The following MARF1 variants were observed in gnomAD, a reference collection of about 807,000 sequenced individuals.
MARF1 encodes meiosis regulator and mRNA stability factor 1, also known as limkain-b1.
Under a neutral mutation model 168.2 loss-of-function variants are expected in MARF1, and 24 were observed. The observed-to-expected ratio is 0.14, with a 90% CI of 0.10 to 0.20. The LOEUF (loss-of-function observed/expected upper bound fraction) is 0.20. Among genes scored for constraint, MARF1 ranks in the 10% least tolerant of loss-of-function variants. The probability of loss-of-function intolerance (pLI) is 1.00; values close to 1 mark genes in which losing one functional copy is unlikely to be tolerated. For synonymous variants in MARF1, 868 were observed against 822.4 expected (o/e 1.06, Z -0.95); for missense variants, 1,744 against 2,143.6 (o/e 0.81, Z 3.68).
rs1318509872 is a variant in MARF1 at position 15,594,659 on chromosome 16, C to G, written c.*2034G>C. ...TTAATGCTCAAACATCATTTTACCA[C>G]ATCATTTAATTAAGCCTCTGGATAA... On this transcript the variant is annotated 3_prime_UTR_variant, in exon 27 of 27. Transcript: ENST00000396368. The G allele has an allele frequency of 6.6e-6, 1 of 152,578 alleles. No individual in the cohort carries two copies. Among genetic ancestry groups the G allele is most frequent in the Non-Finnish European group, 1.5e-5 (1 of 68,040 alleles). The allele number at this position is 152,578 out of a possible 1,614,324, so 9.5% of individuals were successfully genotyped here.
chr16:15,629,184 C>A (rs982212442), intron 7 of MARF1, among the ~76,000 whole-genome samples: 6 of 151,928 alleles, frequency 3.9e-5, no homozygotes, highest in Admixed American at 3.3e-4. Context: ...GACCGTCAAA[C>A]AGAAGCAGAA....
chr16:15,608,715 A>G (rs2033247520), intron 20 of MARF1, 197 bp from the exon 21 acceptor site: 2 of 571,212 alleles, frequency 3.5e-6, no homozygotes, highest in East Asian at 5.5e-5. Flanking sequence ...ACTACTGGAC[A>G]GGAGATATAA....
rs192801801 is a variant in MARF1, at chr16:15,595,934, C to A, written c.*759G>T. 53 of 152,508 alleles carry A rather than the reference C, an allele frequency of 3.5e-4. No homozygotes were observed. The highest frequency in any genetic ancestry group is 1.2e-3 in the African/African-American group (51 of 41,552). The allele number at this position is 152,508 out of a possible 1,614,324, so 9.4% of individuals were successfully genotyped here. On this transcript the variant is annotated 3_prime_UTR_variant, in exon 27 of 27. Transcript: ENST00000396368. ...TGACTTTAAATCCATGACATCGAGACCATCTCCTTTTCCTTAACCTAACCC... is the reference window on the plus strand; with the variant it reads ...TGACTTTAAATCCATGACATCGAGAACATCTCCTTTTCCTTAACCTAACCC...
Position 15,600,663 on chromosome 16 carries a change from T to C in MARF1, c.4665A>G (p.Val1555=). ...TACTTTTCATGTCATTTTTTAACACTACAATTCTCTTATGACCATGTCCTT... is the reference window on the plus strand; with the variant it reads ...TACTTTTCATGTCATTTTTTAACACCACAATTCTCTTATGACCATGTCCTT... ...WIKGHGHKRI[V]VLKNDMKSRL... The change falls in exon 24 of 27, where the codon GTA becomes GTG. Residue 1555 remains valine (V), a synonymous_variant. Coordinates refer to ENST00000396368, the MANE Select transcript of MARF1 (RefSeq NM_014647.4). 1 of 1,613,884 alleles carries C rather than the reference T, an allele frequency of 6.2e-7. No individual in the cohort carries two copies. Among genetic ancestry groups the C allele is most frequent in the Non-Finnish European group, 8.5e-7 (1 of 1,180,030 alleles).
rs755785684 is a variant in MARF1, at chr16:15,602,152, A to G, written c.4465T>C (p.Leu1489=). 1.9e-6 allele frequency: 3 copies of G among 1,614,238 alleles called. No homozygotes were observed. In the Admixed American group the frequency reaches 5.0e-5, roughly 27 times the overall value. The change falls in exon 23 of 27, where the codon TTG becomes CTG. Residue 1489 remains leucine, a synonymous_variant. Coordinates refer to ENST00000396368, the MANE Select transcript of MARF1 (RefSeq NM_014647.4). ...EECVKLTSLY[L]FAKNVRSLLH... is the part of the protein sequence containing the mutation. ...AAAGACCGCACATTCTTTGCAAACA[A>G]ATACAGACTTGTGAGCTTCACACAT...
chr16:15,616,350 C>T (rs1190698824), intron 15 of MARF1, among the ~76,000 whole-genome samples: 2 of 152,140 alleles, frequency 1.3e-5, no homozygotes, highest in Non-Finnish European at 2.9e-5. Flanking sequence ...TGTTGTGGCT[C>T]ATGGAGTGAT....
chr16:15,624,668 G>T, intron 10 of MARF1, 101 bp downstream of exon 10: 7 of 1,114,772 alleles, frequency 6.3e-6, no homozygotes, highest in Non-Finnish European at 9.1e-6. Context: ...GACTTACTTT[G>T]TGCATTTCAG....
In MARF1 at chr16:15,608,824, C is replaced by G. The variant is rs1345148907; in HGVS notation, c.3955-306G>C. The G allele has an allele frequency of 1.0e-5, 4 of 392,412 alleles. No individual in the cohort carries two copies. In the South Asian group the frequency reaches 1.3e-4, roughly 13 times the overall value. The allele number at this position is 392,412 out of a possible 1,614,324, so 24.3% of individuals were successfully genotyped here. On this transcript the variant is annotated intron_variant, in intron 20 of 26. Coordinates refer to ENST00000396368, the MANE Select transcript of MARF1 (RefSeq NM_014647.4). ...TAGTAAAAAAAGAAAATAAAATCAA[C>G]AACAGAAATTTGGTTTAACTTAGCA...
intron 21 of MARF1, 75 bp downstream of exon 21, chr16:15,608,216 C>T (rs1161503923): frequency 1.9e-5 from 18 of 926,934 alleles, no homozygotes; most frequent in African/African-American, 5.4e-5. Context: ...CACACGCAAA[C>T]GTCCTAATGA....
chr16:15,611,461 A>AAAC, intron 18 of MARF1, 131 bp downstream of exon 18: 13 of 853,562 alleles, frequency 1.5e-5, no homozygotes, highest in Non-Finnish European at 2.1e-5. Flanking sequence ...AAAAAAAAAA[A>AAAC]AAAACAAAAA....
At chr16:15,599,544 C>A (rs1284838404) in intron 25 of MARF1, among the ~76,000 whole-genome samples, 1 of 152,212 alleles carries the variant, frequency 6.6e-6, no homozygotes, top group Non-Finnish European at 1.5e-5. Flanking sequence ...CTTCATAAAA[C>A]GTCAAATGCT....
chr16:15,623,713 T>C (rs1174681734), intron 10 of MARF1, among the ~76,000 whole-genome samples: 1 of 152,182 alleles, frequency 6.6e-6, no homozygotes, highest in Non-Finnish European at 1.5e-5. Context: ...TTAGAGGCAG[T>C]CCTGATGAAT....
At chr16:15,610,618 G>A (rs2033445555) in intron 19 of MARF1, 1 of 194,122 alleles carries the variant, frequency 5.2e-6, no homozygotes, top group African/African-American at 2.3e-5. Flanking sequence ...AGTAAATAAA[G>A]TAGCTCAGAG....
chr16:15,631,091 T>C (rs1308808612), intron 6 of MARF1, among the ~76,000 whole-genome samples: 1 of 152,012 alleles, frequency 6.6e-6, no homozygotes, highest in African/African-American at 2.4e-5. Flanking sequence ...GATTGCGCCA[T>C]CGCACTCCAG....
rs1336236465 is a variant in MARF1 at position 15,594,769 on chromosome 16, C to G, written c.*1924G>C. Reference sequence around the variant, plus strand: ...CGAAGTCTTCTCTCTCATTTTCAGACAGCAATTGTTAAGAGTCACACACAC... The same window carrying G: ...CGAAGTCTTCTCTCTCATTTTCAGAGAGCAATTGTTAAGAGTCACACACAC... On this transcript the variant is annotated 3_prime_UTR_variant, in exon 27 of 27. Coordinates refer to ENST00000396368, the MANE Select transcript of MARF1 (RefSeq NM_014647.4). The G allele has an allele frequency of 6.6e-6, 1 of 152,592 alleles. No individual in the cohort carries two copies. Among genetic ancestry groups the G allele is most frequent in the Non-Finnish European group, 1.5e-5 (1 of 68,054 alleles). The allele number at this position is 152,592 out of a possible 1,614,324, so 9.5% of individuals were successfully genotyped here.
chr16:15,596,696 A>G lies in MARF1; in HGVS notation c.5226T>C (p.Leu1742=), dbSNP rs1230338307. 2 of 1,583,414 alleles carry G rather than the reference A, an allele frequency of 1.3e-6. No individual in the cohort carries two copies. The highest frequency in any genetic ancestry group is 1.1e-5 in the South Asian group (1 of 88,582). ...AATTCTATATTCCAAATGGGAGTTA[A>G]AGCTTGGTTATAGGTGCTAAGGAAA... ...ANFSLAPITK[L] The change falls in exon 27 of 27, where the codon CTT becomes CTC. Residue 1742 remains leucine, a synonymous_variant. Coordinates refer to ENST00000396368, the MANE Select transcript of MARF1 (RefSeq NM_014647.4).
chr16:15,620,499 G>A lies in MARF1; in HGVS notation c.2672C>T (p.Pro891Leu). 1 of 1,613,128 alleles carries A rather than the reference G, an allele frequency of 6.2e-7. No individual in the cohort carries two copies. The highest frequency in any genetic ancestry group is 8.5e-7 in the Non-Finnish European group (1 of 1,179,442). ...AETMSVLQDA[P>L]ACCLPLFKFT... ...TTTAAACAGAGGCAGGCAACAGGCA[G>A]GGGCATCCTGAAGAACAGACATTGT... Residue 891 changes from proline (P) to leucine (L), a missense_variant, in exon 13 of 27, where the codon CCT (proline) becomes CTT (leucine). By Grantham distance (98) the Pro-to-Leu change is moderately conservative. Around this residue, in one of 7 missense-constraint regions of MARF1, gnomAD observed 543 missense variants for 742.1 expected, o/e 0.73. Coordinates refer to ENST00000396368, the MANE Select transcript of MARF1 (RefSeq NM_014647.4).
chr16:15,614,278 C>G (rs1339122500), intron 16 of MARF1, among the ~76,000 whole-genome samples: 10 of 150,304 alleles, frequency 6.7e-5, no homozygotes, highest in Non-Finnish European at 1.3e-4. Flanking sequence ...GTCAGGAGAT[C>G]GAGACCATCC....
intron 21 of MARF1, 48 bp downstream of exon 21, chr16:15,608,241 TGA>T: frequency 8.1e-7 from 1 of 1,235,078 alleles, no homozygotes; most frequent in Non-Finnish European, 1.1e-6. Context: ...TAGGTCACTG[TGA>T]GTTTTATCCC....
Sources: allele counts gnomAD v4.1 joint callset (sites outside exome capture counted in the v4.1 genomes callset), GRCh38; gene constraint gnomAD v4.1.1; regional missense constraint gnomAD v4.1.1; transcripts MANE v1.5; gene names NCBI Gene and HGNC (gene_info 2026-07-23, HGNC 2026-07-21).